The following HDLBP variants were observed in gnomAD, a reference collection of about 807,000 sequenced individuals.
HDLBP encodes the protein vigilin.
In HDLBP, 30 loss-of-function variants were observed where a neutral mutation model predicts 137.3. That is an observed-to-expected ratio of 0.22 (90% confidence interval 0.16 to 0.30). The LOEUF (loss-of-function observed/expected upper bound fraction) is 0.30. HDLBP is among the 10% of genes least tolerant of loss of function. The pLI is 1.00. For synonymous variants in HDLBP, 606 were observed against 596.0 expected, an observed-to-expected ratio of 1.02 and a Z score of -0.24; for missense variants, 1,119 against 1,667.3, an observed-to-expected ratio of 0.67 and a Z score of 5.73.
At position 241,233,656 on chromosome 2, in the gene HDLBP, C is replaced by G. The variant is rs1241021276; in HGVS notation, c.3288+164G>C. Among the ~76,000 whole-genome samples the G allele has an allele frequency of 6.6e-6, 1 of 152,136 alleles. No individual in the cohort carries two copies. Among genetic ancestry groups the G allele is most frequent in the Non-Finnish European group, 1.5e-5 (1 of 68,016 alleles). ...GAGACCTCACCCATCTGGCAAGTACCGAGACACAGCCCAAACCTCAAGCCA... is the reference window on the plus strand; with the variant it reads ...GAGACCTCACCCATCTGGCAAGTACGGAGACACAGCCCAAACCTCAAGCCA... On this transcript the variant is annotated intron_variant, in intron 24 of 27. Coordinates refer to ENST00000310931, the MANE Select transcript of HDLBP (RefSeq NM_005336.6). The surrounding 1 kb of genome is among the most constrained non-coding windows in gnomAD (Gnocchi z 4.3).
chr2:241,263,563 C>T (rs532645599), intron 4 of HDLBP, among the ~76,000 whole-genome samples: 2 of 152,152 alleles, frequency 1.3e-5, no homozygotes, highest in South Asian at 4.2e-4. Flanking sequence ...TTAACAAAAC[C>T]ATTAACAAGA....
At chr2:241,273,852 G>GT (rs35026687) in intron 1 of HDLBP, among the ~76,000 whole-genome samples, 12,786 of 139,072 alleles carry the variant, frequency 0.092, 1,210 homozygotes, top group African/African-American at 0.24. Flanking sequence ...GATCAGACGT[G>GT]TTTTTTTTTT....
At chr2:241,307,265 A>G (rs1159415870) in intron 1 of HDLBP, among the ~76,000 whole-genome samples, 5 of 152,204 alleles carry the variant, frequency 3.3e-5, no homozygotes, top group Non-Finnish European at 7.3e-5. Flanking sequence ...CCTAGAGTGG[A>G]TCTGAAAAAC....
chr2:241,277,609 G>C (rs192434442), intron 1 of HDLBP, among the ~76,000 whole-genome samples: 2 of 152,336 alleles, frequency 1.3e-5, no homozygotes, highest in East Asian at 3.9e-4. Context: ...TACCCAAACT[G>C]AGTTAGAAAT....
At chr2:241,243,575 G>A (rs2149422029) in intron 16 of HDLBP, 1 of 153,392 alleles carries the variant, frequency 6.5e-6, no homozygotes, top group Admixed American at 6.5e-5. Context: ...AGGAAACAGT[G>A]CCTGCAGCTC....
chr2:241,308,267 T>C (rs2149716295), intron 1 of HDLBP, among the ~76,000 whole-genome samples: 1 of 152,312 alleles, frequency 6.6e-6, no homozygotes, highest in African/African-American at 2.4e-5. Flanking sequence ...TCGTCCACCT[T>C]TCTACCAGTG....
At chr2:241,300,214 G>A (rs896756743) in intron 1 of HDLBP, among the ~76,000 whole-genome samples, 8 of 151,458 alleles carry the variant, frequency 5.3e-5, no homozygotes, top group South Asian at 2.1e-4. Flanking sequence ...CCCCCACCCC[G>A]CCCAGTTCTT....
intron 27 of HDLBP, 28 bp downstream of exon 27, chr2:241,229,805 C>G: frequency 9.0e-7 from 1 of 1,115,090 alleles, no homozygotes; most frequent in South Asian, 1.3e-5. Flanking sequence ...CTCCCTGGGA[C>G]CCAGGAGGGC....
chr2:241,239,366 TTCTC>T lies in HDLBP; in HGVS notation c.2610+232_2610+235del, dbSNP rs372481816. ...CTCTCTCTCCCCTCTCCTCTTCTCC[TTCTC>T]TCTCTCTTTTTTTTTTTAAGTGCTT... is the stretch of plus-strand genomic sequence containing the variant. On this transcript the variant is annotated intron_variant, in intron 19 of 27. Coordinates refer to ENST00000310931, the MANE Select transcript of HDLBP (RefSeq NM_005336.6). The surrounding 1 kb of genome is among the most constrained non-coding windows in gnomAD (Gnocchi z 4.6). 2.5e-4 allele frequency among the ~76,000 whole-genome samples: 38 copies of T among 152,080 alleles called. No homozygotes were observed. Among genetic ancestry groups the T allele is most frequent in the South Asian group, 4.2e-4 (2 of 4,806 alleles).
At chr2:241,306,386 C>G (rs1347583292) in intron 1 of HDLBP, among the ~76,000 whole-genome samples, 1 of 151,698 alleles carries the variant, frequency 6.6e-6, no homozygotes, top group East Asian at 2.0e-4. Context: ...CTCAGCCTCC[C>G]ACAGCTGGGA....
In HDLBP at chr2:241,230,770, C is replaced by T; in HGVS notation, c.3463G>A (p.Asp1155Asn). ...TCCAGCCGGCTCACCTTGAATTCGTCCATGATTTTGCGAATGGCTTTGCCG... is the reference window on the plus strand; with the variant it reads ...TCCAGCCGGCTCACCTTGAATTCGTTCATGATTTTGCGAATGGCTTTGCCG... ...ARGKAIRKIMDEFKVDIRFPQ... is the reference protein window; with the variant it reads ...ARGKAIRKIMNEFKVDIRFPQ... Residue 1155 changes from aspartate (D) to asparagine (N), a missense_variant, in exon 25 of 28, where the codon GAC becomes AAC. Coordinates refer to ENST00000310931, the MANE Select transcript of HDLBP (RefSeq NM_005336.6). The surrounding 1 kb of genome is among the most constrained non-coding windows in gnomAD (Gnocchi z 5.0). 1 of 1,614,200 alleles carries T rather than the reference C, an allele frequency of 6.2e-7. No homozygotes were observed. Among genetic ancestry groups the T allele is most frequent in the South Asian group, 1.1e-5 (1 of 91,084 alleles).
intron 1 of HDLBP, among the ~76,000 whole-genome samples, chr2:241,283,411 T>A (rs2074683321): frequency 6.6e-6 from 1 of 151,886 alleles, no homozygotes; most frequent in Admixed American, 6.6e-5. Context: ...ATTTTCAGTG[T>A]AAATGAGACA....
chr2:241,309,575 G>A (rs868465200), intron 1 of HDLBP, among the ~76,000 whole-genome samples: 1 of 152,206 alleles, frequency 6.6e-6, no homozygotes, highest in East Asian at 1.9e-4. Flanking sequence ...GAAGCCAGGA[G>A]ACCTGAATTA....
intron 5 of HDLBP, among the ~76,000 whole-genome samples, chr2:241,261,949 A>T (rs1337843688): frequency 3.3e-5 from 5 of 152,240 alleles, no homozygotes; most frequent in Non-Finnish European, 7.3e-5. Flanking sequence ...AGATGGGAAG[A>T]ACCCCCATTC....
At chr2:241,306,142 T>G (rs1171225595) in intron 1 of HDLBP, among the ~76,000 whole-genome samples, 3 of 152,022 alleles carry the variant, frequency 2.0e-5, no homozygotes, top group Non-Finnish European at 4.4e-5. Flanking sequence ...TATGAGTGAC[T>G]ACCAGCTCCA....
chr2:241,245,571 C>T (rs995130699), intron 16 of HDLBP, among the ~76,000 whole-genome samples: 3 of 152,082 alleles, frequency 2.0e-5, no homozygotes, highest in Non-Finnish European at 4.4e-5. Context: ...AAGGCCAAGG[C>T]GAGAGGATCA....
At chr2:241,279,359 A>C (rs929585866) in intron 1 of HDLBP, among the ~76,000 whole-genome samples, 1 of 152,236 alleles carries the variant, frequency 6.6e-6, no homozygotes. Flanking sequence ...ATTTATATAC[A>C]CCATTTTTAG....
At chr2:241,290,951 TATTC>T (rs1465368374) in intron 1 of HDLBP, among the ~76,000 whole-genome samples, 4 of 152,198 alleles carry the variant, frequency 2.6e-5, no homozygotes, top group Non-Finnish European at 5.9e-5. Context: ...AAATGGCACT[TATTC>T]ATACACTACA....
chr2:241,231,803 C>T (rs976123136), intron 24 of HDLBP, among the ~76,000 whole-genome samples: 1 of 152,096 alleles, frequency 6.6e-6, no homozygotes, highest in Non-Finnish European at 1.5e-5. Context: ...GAGAAGGAAA[C>T]GTGGTAACAA....
Sources: gnomAD v4.1 joint callset for allele counts (sites outside exome capture counted in the v4.1 genomes callset) on GRCh38, gnomAD v4.1.1 for gene constraint, Gnocchi (gnomAD v3.1) non-coding constraint, MANE v1.5 for transcripts, NCBI Gene and HGNC (gene_info 2026-07-23, HGNC 2026-07-21) for gene names.